The following LDB2 variants were observed in gnomAD, a reference collection of about 807,000 sequenced individuals.
The protein encoded by LDB2 is LIM domain binding 2, also known as LIM domain-binding protein 2.
In LDB2, 12 loss-of-function variants were observed where a neutral mutation model predicts 44.3. That is an observed-to-expected ratio of 0.27 (90% CI 0.17 to 0.44). LDB2 has a LOEUF of 0.44. Among genes scored for constraint, LDB2 ranks in the 20% least tolerant of loss-of-function variants. The pLI is 1.00. For missense variants in LDB2, 344 were observed against 473.5 expected (o/e 0.73, Z 2.54); for synonymous variants, 164 against 174.8 (o/e 0.94, Z 0.49).
chr4:16,662,003 C>T (rs1432261859), intron 2 of LDB2, among the ~76,000 whole-genome samples: 1 of 152,178 alleles, frequency 6.6e-6, no homozygotes, highest in Non-Finnish European at 1.5e-5. Context: ...ACCACTTGGT[C>T]TCATTCTAGC....
chr4:16,806,978 A>T (rs1778911842), intron 1 of LDB2, among the ~76,000 whole-genome samples: 1 of 152,182 alleles, frequency 6.6e-6, no homozygotes, highest in South Asian at 2.1e-4. Flanking sequence ...TATTAGTAGT[A>T]TTTTTGCGTT....
At chr4:16,843,852 A>G (rs1268202428) in intron 1 of LDB2, among the ~76,000 whole-genome samples, 1 of 152,108 alleles carries the variant, frequency 6.6e-6, no homozygotes, top group Non-Finnish European at 1.5e-5. Context: ...TCCTGACCTC[A>G]GGTAATCCAC....
intron 1 of LDB2, among the ~76,000 whole-genome samples, chr4:16,763,414 C>T (rs1321732481): frequency 7.3e-6 from 1 of 136,486 alleles, no homozygotes; most frequent in African/African-American, 2.8e-5. Context: ...TTGTAATTTT[C>T]AATCTCCCCC....
At chr4:16,581,971 G>T (rs1714726680) in intron 5 of LDB2, among the ~76,000 whole-genome samples, 1 of 122,406 alleles carries the variant, frequency 8.2e-6, no homozygotes, top group Admixed American at 8.8e-5. Context: ...AAGAAAGAAG[G>T]AAGGAAGGAA....
intron 2 of LDB2, among the ~76,000 whole-genome samples, chr4:16,633,105 C>A (rs1054241202): frequency 7.9e-5 from 12 of 152,078 alleles, no homozygotes; most frequent in Non-Finnish European, 1.5e-4. Flanking sequence ...TACTACGCAG[C>A]CATAAAAAAG....
intron 1 of LDB2, among the ~76,000 whole-genome samples, chr4:16,843,048 G>A (rs1478010353): frequency 6.6e-6 from 1 of 152,054 alleles, no homozygotes; most frequent in African/African-American, 2.4e-5. Flanking sequence ...CATTTTTTTT[G>A]TACTTTTTCC....
At chr4:16,758,306 T>C (rs947935951) in intron 2 of LDB2, among the ~76,000 whole-genome samples, 3 of 152,200 alleles carry the variant, frequency 2.0e-5, no homozygotes, top group African/African-American at 4.8e-5. Flanking sequence ...GATTGACTCA[T>C]TCATACCATG....
Position 16,756,430 on chromosome 4 carries a change from G to A in LDB2, c.235+2728C>T, listed in dbSNP as rs1766662489. ...ATCACACCACTGCACCCCAGCCTGG[G>A]TGACAGAGTGAGACTCTGTCTCAAA... On this transcript the variant is annotated intron_variant, in intron 2 of 7. Transcript: ENST00000304523. 2.0e-5 allele frequency among the ~76,000 whole-genome samples: 3 copies of A among 152,150 alleles called. No individual in the cohort carries two copies. The South Asian group carries it at 6.2e-4, about 32-fold the overall frequency.
chr4:16,512,066 C>T lies in LDB2; in HGVS notation c.654G>A (p.Ser218=), dbSNP rs145928848. The T allele has an allele frequency of 2.2e-5, 35 of 1,613,334 alleles. No individual in the cohort carries two copies. Among genetic ancestry groups the T allele is most frequent in the Non-Finnish European group, 2.9e-5 (34 of 1,179,646 alleles). ...VILEPMQELM[S]RHKTYNLSPR... is the part of the protein sequence containing the mutation. ...GACTGAGGTTGTAAGTTTTATGTCT[C>T]GACATCAGTTCCTGCATTGGCTCCA... The change falls in exon 6 of 8, where the codon TCG becomes TCA. Residue 218 remains serine (S), a synonymous_variant. Transcript: ENST00000304523.
At chr4:16,825,302 C>G (rs1192947492) in intron 1 of LDB2, among the ~76,000 whole-genome samples, 1 of 152,084 alleles carries the variant, frequency 6.6e-6, no homozygotes, top group African/African-American at 2.4e-5. Flanking sequence ...CCAGAAATAA[C>G]AAATTATAGC....
intron 2 of LDB2, among the ~76,000 whole-genome samples, chr4:16,642,818 A>T (rs1735581162): frequency 1.3e-5 from 2 of 152,258 alleles, no homozygotes; most frequent in South Asian, 2.1e-4. Flanking sequence ...CACCCTCAGC[A>T]GTGAATAGAC....
chr4:16,707,531 T>C (rs1754870392), intron 2 of LDB2, among the ~76,000 whole-genome samples: 1 of 152,232 alleles, frequency 6.6e-6, no homozygotes, highest in South Asian at 2.1e-4. Context: ...CGTGATAATT[T>C]CGAGGGTTAA....
rs543496196 is a variant in LDB2 at position 16,812,998 on chromosome 4, CTT to C, written c.133-53740_133-53739del. 2.7e-5 allele frequency among the ~76,000 whole-genome samples: 4 copies of C among 149,306 alleles called. No individual in the cohort carries two copies. The East Asian group carries it at 5.9e-4, about 22-fold the overall frequency. Reference sequence around the variant, plus strand: ...TGAAGCAGGCGTGCCTCAGTTTACTCTTTTTTTTTTCTTTTTTGAGACAGGGT... The same window carrying C: ...TGAAGCAGGCGTGCCTCAGTTTACTCTTTTTTTTCTTTTTTGAGACAGGGT... On this transcript the variant is annotated intron_variant, in intron 1 of 7. Coordinates refer to ENST00000304523, the MANE Select transcript of LDB2 (RefSeq NM_001290.5).
chr4:16,594,846 G>A (rs997642105), intron 3 of LDB2, among the ~76,000 whole-genome samples: 3 of 152,146 alleles, frequency 2.0e-5, no homozygotes, highest in Admixed American at 2.0e-4. Context: ...GTTTCATGTT[G>A]AGTCTTAGTC....
intron 1 of LDB2, chr4:16,888,636 T>C (rs1722440512): frequency 5.1e-6 from 4 of 791,778 alleles, no homozygotes; most frequent in Non-Finnish European, 6.1e-6. Flanking sequence ...TTTTTAAAGA[T>C]ACTTTTAAGA....
chr4:16,887,557 AT>A (rs1722111419), intron 1 of LDB2, among the ~76,000 whole-genome samples: 1 of 152,156 alleles, frequency 6.6e-6, no homozygotes, highest in Non-Finnish European at 1.5e-5. Context: ...TGTATTTCCA[AT>A]TGGTCAGTTT....
At chr4:16,623,362 C>T (rs1729400664) in intron 2 of LDB2, among the ~76,000 whole-genome samples, 2 of 152,162 alleles carry the variant, frequency 1.3e-5, no homozygotes, top group Admixed American at 6.5e-5. Context: ...CTTTGAGAGA[C>T]CGAGGCGGGC....
In LDB2 at chr4:16,649,839, C is replaced by T. The variant is rs558631481; in HGVS notation, c.236-53964G>A. Among the ~76,000 whole-genome samples, 98 of 152,262 alleles carry T rather than the reference C, an allele frequency of 6.4e-4. No individual in the cohort carries two copies. In the South Asian group the frequency reaches 0.019, roughly 30 times the overall value. Reference sequence around the variant, plus strand: ...TGATGATGCCATGCTATTAAAGTTCCTCTGAAGTCAGAGCTACTCGAAACA... The same window carrying T: ...TGATGATGCCATGCTATTAAAGTTCTTCTGAAGTCAGAGCTACTCGAAACA... On this transcript the variant is annotated intron_variant, in intron 2 of 7. Transcript: ENST00000304523.
intron 2 of LDB2, among the ~76,000 whole-genome samples, chr4:16,692,108 C>G (rs1334223304): frequency 6.6e-6 from 1 of 151,444 alleles, no homozygotes; most frequent in Non-Finnish European, 1.5e-5. Context: ...GCCTTTGATT[C>G]ATCACGAGGC....
Sources: allele counts gnomAD v4.1 joint callset (sites outside exome capture counted in the v4.1 genomes callset), GRCh38; gene constraint gnomAD v4.1.1; transcripts MANE v1.5; gene names NCBI Gene and HGNC (gene_info 2026-07-23, HGNC 2026-07-21).